Variants in LRRC7 observed in about 807,000 individuals in gnomAD.
The protein encoded by LRRC7 is leucine-rich repeat-containing protein 7.
Under a neutral mutation model 175.7 loss-of-function variants are expected in LRRC7, and 23 were observed. That is an observed-to-expected ratio of 0.13 (90% CI 0.09 to 0.19). LRRC7 has a LOEUF of 0.19. LRRC7 is among the 10% of genes least tolerant of loss of function. LRRC7 has a pLI of 1.00. For missense variants in LRRC7, 1,354 were observed against 1,904.7 expected (o/e 0.71, Z 5.38); for synonymous variants, 685 against 680.9 (o/e 1.01, Z -0.09).
intron 7 of LRRC7, among the ~76,000 whole-genome samples, chr1:69,904,199 G>A (rs1372001179): frequency 6.6e-6 from 1 of 152,034 alleles, no homozygotes; most frequent in African/African-American, 2.4e-5. Context: ...ATAACTGTGT[G>A]GAGTCATAAA....
intron 8 of LRRC7, among the ~76,000 whole-genome samples, chr1:69,937,810 GTCAA>G (rs1450845800): frequency 2.0e-5 from 3 of 150,906 alleles, no homozygotes; most frequent in Non-Finnish European, 4.4e-5. Flanking sequence ...TGAAAAAGCA[GTCAA>G]TCAGAGAAGA....
chr1:70,099,058 T>C (rs1664617784), intron 25 of LRRC7, among the ~76,000 whole-genome samples: 1 of 150,454 alleles, frequency 6.6e-6, no homozygotes, highest in African/African-American at 2.4e-5. Context: ...TGAACATTGA[T>C]GCAAAAATCC....
chr1:70,058,436 C>G (rs1661325187), intron 23 of LRRC7, among the ~76,000 whole-genome samples: 1 of 152,190 alleles, frequency 6.6e-6, no homozygotes, highest in Admixed American at 6.5e-5. Context: ...ACTTTAAGAA[C>G]TGCTGTTTAA....
intron 10 of LRRC7, 42 bp from the exon 11 acceptor site, chr1:69,994,519 A>T: frequency 1.6e-6 from 2 of 1,282,002 alleles, no homozygotes; most frequent in South Asian, 2.4e-5. Context: ...TTCCTGTCAT[A>T]ATCTGCTCTT....
chr1:69,806,490 G>T (rs887568999), intron 4 of LRRC7, among the ~76,000 whole-genome samples: 1 of 151,794 alleles, frequency 6.6e-6, no homozygotes, highest in African/African-American at 2.4e-5. Context: ...CCAGCATTTG[G>T]TTTTTCACTT....
At position 69,635,013 on chromosome 1, in the gene LRRC7, G is replaced by A. The variant is rs181002538; in HGVS notation, c.3-43368G>A. On this transcript the variant is annotated intron_variant, in intron 1 of 26. Coordinates refer to ENST00000651989, the MANE Select transcript of LRRC7 (RefSeq NM_001370785.2). The stretch of plus-strand genomic sequence containing the variant: ...ACATAGACAAAGTTGTGTTACGGGG[G>A]TTTGTTGTACAGATTATTTCATCAG... 3.5e-4 allele frequency among the ~76,000 whole-genome samples: 54 copies of A among 152,118 alleles called. 1 individual carries two copies. The East Asian group carries it at 0.01, about 29-fold the overall frequency.
At chr1:69,605,876 CA>C (rs1375104319) in intron 1 of LRRC7, among the ~76,000 whole-genome samples, 2 of 151,920 alleles carry the variant, frequency 1.3e-5, no homozygotes, top group Non-Finnish European at 2.9e-5. Flanking sequence ...TTTTAGGACT[CA>C]ATGAGAGTTA....
At chr1:69,597,537 A>T (rs1057476260) in intron 1 of LRRC7, among the ~76,000 whole-genome samples, 6 of 152,214 alleles carry the variant, frequency 3.9e-5, no homozygotes, top group Non-Finnish European at 7.3e-5. Context: ...GACTGGTCTC[A>T]CTAGCTATAA....
intron 2 of LRRC7, among the ~76,000 whole-genome samples, chr1:69,688,048 T>C (rs2100645034): frequency 6.6e-6 from 1 of 152,328 alleles, no homozygotes; most frequent in Admixed American, 6.5e-5. Context: ...AACTACCTCT[T>C]CTTTTGACAT....
At chr1:70,104,916 T>C (rs1665041329) in intron 25 of LRRC7, among the ~76,000 whole-genome samples, 1 of 152,138 alleles carries the variant, frequency 6.6e-6, no homozygotes, top group Non-Finnish European at 1.5e-5. Context: ...AGAAAGGCAA[T>C]CAAAATTAAC....
intron 1 of LRRC7, among the ~76,000 whole-genome samples, chr1:69,677,721 C>T (rs1339704101): frequency 6.6e-6 from 1 of 151,870 alleles, no homozygotes; most frequent in Non-Finnish European, 1.5e-5. Context: ...ATTTACTTTG[C>T]AAATAATTAC....
chr1:69,861,246 A>T (rs1198126205), intron 7 of LRRC7, among the ~76,000 whole-genome samples: 1 of 152,162 alleles, frequency 6.6e-6, no homozygotes, highest in African/African-American at 2.4e-5. Context: ...AAATTTTTGC[A>T]TTCTTATCTG....
Position 69,646,769 on chromosome 1 carries a change from T to C in LRRC7, c.3-31612T>C, listed in dbSNP as rs1655060443. Among the ~76,000 whole-genome samples the C allele has an allele frequency of 2.0e-5, 3 of 152,178 alleles. No individual in the cohort carries two copies. The South Asian group carries it at 6.2e-4, about 32-fold the overall frequency. The stretch of plus-strand genomic sequence containing the variant: ...TGCAGCCGAACCTCTATAGTAGTGC[T>C]TATCAATCCTGGCAGCACTAATACA... On this transcript the variant is annotated intron_variant, in intron 1 of 26. Coordinates refer to ENST00000651989, the MANE Select transcript of LRRC7 (RefSeq NM_001370785.2).
intron 13 of LRRC7, among the ~76,000 whole-genome samples, chr1:70,015,453 T>C (rs936834292): frequency 1.3e-5 from 2 of 152,140 alleles, no homozygotes; most frequent in African/African-American, 4.8e-5. Context: ...AGAATTCTAA[T>C]ACATTAAAGA....
chr1:69,893,241 A>AT (rs1370448112), intron 7 of LRRC7, among the ~76,000 whole-genome samples: 9 of 131,222 alleles, frequency 6.9e-5, no homozygotes, highest in Middle Eastern at 4.1e-3. Context: ...TATCAATTTT[A>AT]TTTTTCCAAC....
rs548552679 is a variant in LRRC7, at chr1:69,575,119, G to A, written c.2+6478G>A. On this transcript the variant is annotated intron_variant, in intron 1 of 26. Transcript: ENST00000651989. ...TTCAGAGCTGGAAAGGAATTTAGAGGGTCTCATTTTATAAAAAGAAGAAAC... is the reference window on the plus strand; with the variant it reads ...TTCAGAGCTGGAAAGGAATTTAGAGAGTCTCATTTTATAAAAAGAAGAAAC... 3.9e-5 allele frequency among the ~76,000 whole-genome samples: 6 copies of A among 151,988 alleles called. 1 individual carries two copies. In the South Asian group the frequency reaches 1.3e-3, roughly 32 times the overall value.
intron 1 of LRRC7, among the ~76,000 whole-genome samples, chr1:69,584,807 T>G (rs1284938585): frequency 6.6e-6 from 1 of 152,166 alleles, no homozygotes; most frequent in Non-Finnish European, 1.5e-5. Context: ...ACACTCCAGC[T>G]TCACTTCCTC....
At chr1:69,679,678 CG>C (rs1384077602) in intron 2 of LRRC7, among the ~76,000 whole-genome samples, 1 of 152,030 alleles carries the variant, frequency 6.6e-6, no homozygotes, top group East Asian at 1.9e-4. Flanking sequence ...AGAAACACTT[CG>C]GGGTTTCTTC....
At position 70,137,100 on chromosome 1, in the gene LRRC7, T is replaced by G. The variant is rs1199512622; in HGVS notation, c.*15213T>G. Among the ~76,000 whole-genome samples the G allele has an allele frequency of 1.3e-5, 2 of 152,176 alleles. No homozygotes were observed. The highest frequency in any genetic ancestry group is 4.8e-5 in the African/African-American group (2 of 41,444). ...GGAAAGTTCTTGTCCCTTGTATATA[T>G]GTATCTTGTCAAAAAGGACAAGGCT... On this transcript the variant is annotated 3_prime_UTR_variant, in exon 27 of 27. Coordinates refer to ENST00000651989, the MANE Select transcript of LRRC7 (RefSeq NM_001370785.2).
Sources: allele counts gnomAD v4.1 joint callset (sites outside exome capture counted in the v4.1 genomes callset), GRCh38; gene constraint gnomAD v4.1.1; transcripts MANE v1.5; gene names NCBI Gene and HGNC (gene_info 2026-07-23, HGNC 2026-07-21).